The following KCND3 variants were observed in gnomAD, a reference collection of about 807,000 sequenced individuals.
KCND3 encodes potassium voltage-gated channel subfamily D member 3.
A neutral mutation model predicts 51.1 loss-of-function variants in KCND3; 9 were observed. The observed-to-expected ratio is 0.18, with a 90% CI of 0.11 to 0.31. The LOEUF is 0.31. KCND3 is among the 10% of genes least tolerant of loss of function. The pLI is 1.00. For synonymous variants in KCND3, 349 were observed against 368.0 expected (o/e 0.95, Z 0.59); for missense variants, 526 against 903.8 (o/e 0.58, Z 5.36).
intron 3 of KCND3, 58 bp downstream of exon 3, chr1:111,786,886 G>C (rs1249746338): frequency 1.2e-6 from 2 of 1,603,184 alleles, no homozygotes; most frequent in African/African-American, 2.7e-5. Flanking sequence ...CTGGCTCCCT[G>C]ACTGGTGCTC....
chr1:111,886,988 G>A (rs1006754185), intron 2 of KCND3, among the ~76,000 whole-genome samples: 2 of 152,196 alleles, frequency 1.3e-5, no homozygotes, highest in Non-Finnish European at 2.9e-5. Flanking sequence ...TTACCACACT[G>A]TAGTCCTCTA....
intron 2 of KCND3, among the ~76,000 whole-genome samples, chr1:111,942,130 T>C (rs1477694689): frequency 6.6e-6 from 1 of 152,194 alleles, no homozygotes; most frequent in Non-Finnish European, 1.5e-5. Flanking sequence ...AAATAGCACA[T>C]GTTCATTGGG....
At chr1:111,828,466 C>T (rs1156792348) in intron 2 of KCND3, among the ~76,000 whole-genome samples, 1 of 152,040 alleles carries the variant, frequency 6.6e-6, no homozygotes, top group Non-Finnish European at 1.5e-5. Context: ...ACCCTTTGCC[C>T]TAGTTAGGCC....
chr1:111,954,482 G>T (rs1209388228), intron 2 of KCND3, among the ~76,000 whole-genome samples: 2 of 152,234 alleles, frequency 1.3e-5, no homozygotes, highest in African/African-American at 4.8e-5. Context: ...ACTTGACCCA[G>T]ATTTCATCTG....
intron 2 of KCND3, among the ~76,000 whole-genome samples, chr1:111,826,849 T>C (rs1666601927): frequency 6.6e-6 from 1 of 152,254 alleles, no homozygotes; most frequent in African/African-American, 2.4e-5. Flanking sequence ...ATTAATTACC[T>C]GGTTTAATCT....
intron 2 of KCND3, among the ~76,000 whole-genome samples, chr1:111,908,359 C>T (rs1297086824): frequency 6.6e-6 from 1 of 152,178 alleles, no homozygotes; most frequent in Non-Finnish European, 1.5e-5. Context: ...ACAGCAAACC[C>T]TTTTGGAATG....
intron 2 of KCND3, among the ~76,000 whole-genome samples, chr1:111,903,231 C>T (rs1317962835): frequency 1.3e-5 from 2 of 152,234 alleles, no homozygotes; most frequent in African/African-American, 4.8e-5. Context: ...TTCAGTACCT[C>T]GCTGCTTTCT....
intron 2 of KCND3, among the ~76,000 whole-genome samples, chr1:111,818,451 G>A (rs1161017551): frequency 6.6e-6 from 1 of 152,222 alleles, no homozygotes; most frequent in Non-Finnish European, 1.5e-5. Flanking sequence ...CCAAGGGGAG[G>A]CCAGGGAGAA....
chr1:111,905,710 G>T (rs1670616176), intron 2 of KCND3, among the ~76,000 whole-genome samples: 1 of 152,198 alleles, frequency 6.6e-6, no homozygotes, highest in African/African-American at 2.4e-5. Flanking sequence ...GAGCCTTGGT[G>T]AGCACATGGT....
intron 2 of KCND3, among the ~76,000 whole-genome samples, chr1:111,948,193 C>T (rs1672879437): frequency 6.6e-6 from 1 of 152,266 alleles, no homozygotes; most frequent in Admixed American, 6.5e-5. Flanking sequence ...TGGCCTCCCT[C>T]TCTGCTCTGC....
At chr1:111,950,437 C>T (rs1673004702) in intron 2 of KCND3, among the ~76,000 whole-genome samples, 4 of 152,238 alleles carry the variant, frequency 2.6e-5, no homozygotes, top group South Asian at 2.1e-4. Context: ...TTATCCCCCT[C>T]ACTCCCTGAG....
chr1:111,847,866 C>T (rs896165123), intron 2 of KCND3, among the ~76,000 whole-genome samples: 5 of 152,104 alleles, frequency 3.3e-5, no homozygotes, highest in African/African-American at 7.2e-5. Flanking sequence ...AGGAAAAGTT[C>T]GACAGGGAGA....
chr1:111,909,879 C>T (rs777947543), intron 2 of KCND3: 1 of 152,220 alleles, frequency 6.6e-6, no homozygotes, highest in Non-Finnish European at 1.5e-5. Flanking sequence ...TGCATGCCCA[C>T]GTGCCCACCT....
At chr1:111,885,451 A>T (rs1468724334) in intron 2 of KCND3, among the ~76,000 whole-genome samples, 1 of 152,258 alleles carries the variant, frequency 6.6e-6, no homozygotes, top group Non-Finnish European at 1.5e-5. Flanking sequence ...TGAAAACAAC[A>T]AGCTTCAGGG....
chr1:111,971,362 C>G (rs1265998324), intron 2 of KCND3, among the ~76,000 whole-genome samples: 1 of 151,316 alleles, frequency 6.6e-6, no homozygotes, highest in African/African-American at 2.4e-5. Flanking sequence ...CTCAGAAACC[C>G]AGTGTGACCT....
At chr1:111,862,544 C>G (rs902234371) in intron 2 of KCND3, among the ~76,000 whole-genome samples, 8 of 152,216 alleles carry the variant, frequency 5.3e-5, no homozygotes, top group Non-Finnish European at 1.0e-4. Flanking sequence ...GGGATCTGCT[C>G]TCTTGTGGAT....
intron 2 of KCND3, among the ~76,000 whole-genome samples, chr1:111,855,784 C>T (rs763933498): frequency 5.3e-5 from 8 of 152,114 alleles, no homozygotes; most frequent in Non-Finnish European, 7.4e-5. Flanking sequence ...GAGATGTGGG[C>T]AGGGTCTACA....
intron 2 of KCND3, among the ~76,000 whole-genome samples, chr1:111,961,702 G>A (rs1270478206): frequency 1.3e-5 from 2 of 148,194 alleles, no homozygotes; most frequent in African/African-American, 5.3e-5. Flanking sequence ...GGAGGCCAGA[G>A]GGGGGGCATT....
chr1:111,779,128 G>C (rs1664260129), intron 5 of KCND3, among the ~76,000 whole-genome samples: 1 of 152,134 alleles, frequency 6.6e-6, no homozygotes, highest in Admixed American at 6.5e-5. Flanking sequence ...TAATTATTGG[G>C]TTCAACTGTC....
Sources: allele counts gnomAD v4.1 joint callset (sites outside exome capture counted in the v4.1 genomes callset), GRCh38; gene constraint gnomAD v4.1.1; transcripts MANE v1.5; gene names NCBI Gene and HGNC (gene_info 2026-07-23, HGNC 2026-07-21).